The following LMCD1 variants were observed in gnomAD, a reference collection of about 807,000 sequenced individuals.
The protein encoded by LMCD1 is LIM and cysteine-rich domains protein 1.
LMCD1 carries 32 observed loss-of-function variants against 42.7 expected under a neutral mutation model. The observed-to-expected ratio is 0.75, with a 90% CI of 0.57 to 1.01. The LOEUF (loss-of-function observed/expected upper bound fraction) is 1.01. LMCD1 is among the 50% of genes least tolerant of loss of function. The pLI is 0.00. For missense variants in LMCD1, 458 were observed against 483.1 expected (o/e 0.95, Z 0.49); for synonymous variants, 178 against 184.9 (o/e 0.96, Z 0.30).
At chr3:8,502,306 T>A (rs377446175) in intron 1 of LMCD1, among the ~76,000 whole-genome samples, 11,149 of 33,426 alleles carry the variant, frequency 0.33, 3,482 homozygotes, top group Non-Finnish European at 0.42. Flanking sequence ...TTATATATAA[T>A]ATATAAAATA....
At position 8,554,943 on chromosome 3, in the gene LMCD1, G is replaced by C. The variant is rs150378546; in HGVS notation, c.723+6040G>C. ...TCTTTAGCATTTACCATTCCTGCCG[G>C]GCGCCTCCCCGTCTTGCCCCTTCCC... On this transcript the variant is annotated intron_variant, in intron 4 of 5. Transcript: ENST00000157600. Among the ~76,000 whole-genome samples, 667 of 152,158 alleles carry C rather than the reference G, an allele frequency of 4.4e-3. 2 individuals carry two copies. The highest frequency in any genetic ancestry group is 0.014 in the African/African-American group (573 of 41,478).
At chr3:8,526,526 A>G (rs961612064) in intron 1 of LMCD1, among the ~76,000 whole-genome samples, 1 of 152,172 alleles carries the variant, frequency 6.6e-6, no homozygotes, top group Non-Finnish European at 1.5e-5. Flanking sequence ...ACTCATATGC[A>G]ACCTAGAGGC....
At chr3:8,526,210 G>A (rs1694296473) in intron 1 of LMCD1, among the ~76,000 whole-genome samples, 1 of 152,128 alleles carries the variant, frequency 6.6e-6, no homozygotes, top group Non-Finnish European at 1.5e-5. Context: ...CTCCTTCCTA[G>A]CACTGATTCC....
intron 3 of LMCD1, among the ~76,000 whole-genome samples, 148 bp from the exon 4 acceptor site, chr3:8,548,401 AGTAATCTAACTGCATTAAG>A (rs1180739751): frequency 6.6e-6 from 1 of 152,216 alleles, no homozygotes; most frequent in Non-Finnish European, 1.5e-5. Flanking sequence ...AAATTACAAA[AGTAATCTAACTGCATTAAG>A]TTAAGAAAAT....
intron 1 of LMCD1, among the ~76,000 whole-genome samples, chr3:8,502,682 G>A (rs1693786203): frequency 6.6e-6 from 1 of 151,524 alleles, no homozygotes; most frequent in Non-Finnish European, 1.5e-5. Context: ...TCTGTCCCCA[G>A]GGTCTGCACG....
chr3:8,515,087 T>C (rs1418545073), intron 1 of LMCD1: 2 of 451,558 alleles, frequency 4.4e-6, no homozygotes, highest in East Asian at 1.4e-4. Context: ...AGCAGATTAA[T>C]GTGAGGCCAA....
At chr3:8,514,474 A>G (rs1006891416) in intron 1 of LMCD1, among the ~76,000 whole-genome samples, 1 of 152,188 alleles carries the variant, frequency 6.6e-6, no homozygotes, top group African/African-American at 2.4e-5. Context: ...AGTTAAATAT[A>G]TATCCACTTT....
intron 4 of LMCD1, among the ~76,000 whole-genome samples, chr3:8,553,125 A>C (rs73135691): frequency 0.029 from 4,375 of 152,134 alleles, 241 homozygotes; most frequent in African/African-American, 0.1. Context: ...ATGCTCTGTA[A>C]CCTACCTTGA....
intron 1 of LMCD1, chr3:8,514,996 G>A (rs1235038443): frequency 2.2e-6 from 1 of 456,816 alleles, no homozygotes; most frequent in Admixed American, 2.3e-5. Context: ...TCGACCGCAT[G>A]TAAGTTTTCC....
chr3:8,549,073 A>C (rs1694792753), intron 4 of LMCD1, among the ~76,000 whole-genome samples, 170 bp downstream of exon 4: 1 of 152,224 alleles, frequency 6.6e-6, no homozygotes, highest in Admixed American at 6.5e-5. Flanking sequence ...TGTCCCATGG[A>C]AAATGATACA....
rs1455030644 is a variant in LMCD1 at position 8,567,371 on chromosome 3, G to C, written c.940-69G>C. On this transcript the variant is annotated intron_variant, in intron 5 of 5. Transcript: ENST00000157600. ...GGGATGAACCACCACCCTATAACTT[G>C]TCCTAGATATACCGTCTCTACCTAG... 4 of 1,524,802 alleles carry C rather than the reference G, an allele frequency of 2.6e-6. No homozygotes were observed. In the Admixed American group the frequency reaches 6.9e-5, roughly 26 times the overall value. 94.5% of individuals were successfully genotyped at this position (1,524,802 alleles called of 1,614,324 possible).
chr3:8,537,072 T>C (rs1387106948), intron 2 of LMCD1, 113 bp from the exon 3 acceptor site: 2 of 1,264,240 alleles, frequency 1.6e-6, no homozygotes, highest in African/African-American at 3.0e-5. Flanking sequence ...CGCTGCTAGT[T>C]TTTCCAACTT....
chr3:8,551,805 G>GC (rs1694845124), intron 4 of LMCD1, among the ~76,000 whole-genome samples: 1 of 152,182 alleles, frequency 6.6e-6, no homozygotes, highest in Non-Finnish European at 1.5e-5. Flanking sequence ...TGTGCTGGCT[G>GC]CCCTGTATGC....
chr3:8,536,040 C>T (rs1694501303), intron 2 of LMCD1, among the ~76,000 whole-genome samples: 3 of 152,202 alleles, frequency 2.0e-5, no homozygotes, highest in Admixed American at 6.5e-5. Flanking sequence ...ACCATCAGGG[C>T]TTGCCCCCAC....
intron 1 of LMCD1, among the ~76,000 whole-genome samples, chr3:8,518,342 G>A (rs1472084589): frequency 1.3e-5 from 2 of 152,234 alleles, no homozygotes; most frequent in Non-Finnish European, 2.9e-5. Context: ...GGAGAAGCCT[G>A]CAGCAGAGTT....
intron 1 of LMCD1, among the ~76,000 whole-genome samples, chr3:8,529,366 A>C (rs1694362087): frequency 6.6e-6 from 1 of 152,168 alleles, no homozygotes; most frequent in South Asian, 2.1e-4. Flanking sequence ...TCTCTCCCAC[A>C]TACTTCTGTT....
chr3:8,508,964 C>T (rs990839343), intron 1 of LMCD1, among the ~76,000 whole-genome samples: 3 of 152,216 alleles, frequency 2.0e-5, no homozygotes, highest in Non-Finnish European at 4.4e-5. Flanking sequence ...GCACAAAGAT[C>T]TAGATGTGAC....
chr3:8,515,884 G>C (rs955837791), intron 1 of LMCD1, among the ~76,000 whole-genome samples: 2 of 152,046 alleles, frequency 1.3e-5, no homozygotes, highest in Admixed American at 1.3e-4. Flanking sequence ...TCTGCACCAA[G>C]ATCAGAACTG....
At chr3:8,550,159 G>A (rs1694815577) in intron 4 of LMCD1, 7 of 1,333,744 alleles carry the variant, frequency 5.2e-6, no homozygotes, top group Non-Finnish European at 6.7e-6. Flanking sequence ...CTCATGGCTT[G>A]GTTTGTCTTA....
Sources: gnomAD v4.1 joint callset for allele counts (sites outside exome capture counted in the v4.1 genomes callset) on GRCh38, gnomAD v4.1.1 for gene constraint, MANE v1.5 for transcripts, NCBI Gene and HGNC (gene_info 2026-07-23, HGNC 2026-07-21) for gene names.